The following SLC16A4 variants were observed in gnomAD, a reference collection of about 807,000 sequenced individuals.
SLC16A4 encodes the protein probable monocarboxylate transporter 5.
Under a neutral mutation model 47.9 loss-of-function variants are expected in SLC16A4, and 39 were observed. The observed-to-expected ratio is 0.81, with a 90% CI of 0.63 to 1.06. The LOEUF is 1.06. Ranked by LOEUF, SLC16A4 falls within the 50% of genes least tolerant of loss-of-function variation. The probability of loss-of-function intolerance (pLI) is 0.00; values close to 1 mark genes in which losing one functional copy is unlikely to be tolerated. For synonymous variants in SLC16A4, 189 were observed against 199.9 expected (o/e 0.95, Z 0.46); for missense variants, 524 against 573.8 (o/e 0.91, Z 0.89).
intron 4 of SLC16A4, 28 bp from the exon 5 acceptor site, chr1:110,381,171 T>C: frequency 6.2e-7 from 1 of 1,604,338 alleles, no homozygotes; most frequent in East Asian, 2.2e-5. Context: ...TAGTTTAGAA[T>C]CACTCTTACA....
At chr1:110,378,159 C>T (rs1018755786) in intron 6 of SLC16A4, among the ~76,000 whole-genome samples, 2 of 152,114 alleles carry the variant, frequency 1.3e-5, no homozygotes, top group Non-Finnish European at 2.9e-5. Context: ...TACATTTTAA[C>T]TTATTTTAAA....
Position 110,375,494 on chromosome 1 carries a change from C to G in SLC16A4, c.1300G>C (p.Ala434Pro), listed in dbSNP as rs762947979. The change falls in exon 8 of 9, where the codon GCT (alanine) becomes CCT (proline). Residue 434 changes from alanine to proline, a missense_variant. Transcript: ENST00000369779. The stretch of plus-strand genomic sequence containing the variant: ...GGTCCAGAAAGGACAGCCATCCCAG[C>G]AAAGAAACTGGCAAGTCCCAAAAAC... Reference protein sequence around the residue: ...NRFLGLASFFAGMAVLSGPPI... With the variant: ...NRFLGLASFFPGMAVLSGPPI... 1 of 1,613,314 alleles carries G rather than the reference C, an allele frequency of 6.2e-7. No individual in the cohort carries two copies. Among genetic ancestry groups the G allele is most frequent in the South Asian group, 1.1e-5 (1 of 91,066 alleles).
chr1:110,370,160 A>G (rs1020249824), intron 8 of SLC16A4: 1 of 152,200 alleles, frequency 6.6e-6, no homozygotes, highest in African/African-American at 2.4e-5. Flanking sequence ...TCTTAGGAAA[A>G]CTGAATCAAA....
intron 8 of SLC16A4, among the ~76,000 whole-genome samples, chr1:110,366,374 G>A (rs1661399808): frequency 6.6e-6 from 1 of 151,930 alleles, no homozygotes; most frequent in Non-Finnish European, 1.5e-5. Context: ...TGGCCAGGTT[G>A]GTCTCAAACT....
chr1:110,372,654 C>T (rs1661744908), intron 8 of SLC16A4: 1 of 152,194 alleles, frequency 6.6e-6, no homozygotes, highest in African/African-American at 2.4e-5. Context: ...TGGCTAATGG[C>T]ACAGCATTGC....
At chr1:110,389,427 A>G in intron 1 of SLC16A4, 72 bp from the exon 2 acceptor site, 1 of 937,366 alleles carries the variant, frequency 1.1e-6, no homozygotes, top group Non-Finnish European at 1.7e-6. Flanking sequence ...TTTATCTGAA[A>G]GGGAACGTTC....
intron 8 of SLC16A4, 90 bp downstream of exon 8, chr1:110,375,368 A>ACCT: frequency 2.6e-6 from 2 of 773,638 alleles, no homozygotes; most frequent in East Asian, 5.0e-5. Context: ...TTTTAACCTG[A>ACCT]TACCATCATT....
chr1:110,379,504 A>C, intron 5 of SLC16A4, 148 bp from the exon 6 acceptor site: 1 of 693,012 alleles, frequency 1.4e-6, no homozygotes, highest in Middle Eastern at 4.0e-4. Context: ...TTAGTCATAT[A>C]CACTGCTGTA....
chr1:110,381,214 C>T (rs1662363410), intron 4 of SLC16A4, 71 bp from the exon 5 acceptor site: 2 of 1,444,158 alleles, frequency 1.4e-6, no homozygotes, highest in African/African-American at 2.8e-5. Flanking sequence ...AGATAATCTC[C>T]TGGATCCGAG....
intron 7 of SLC16A4, among the ~76,000 whole-genome samples, 167 bp from the exon 8 acceptor site, chr1:110,375,718 A>C (rs577479127): frequency 3.2e-4 from 48 of 152,302 alleles, no homozygotes; most frequent in Admixed American, 2.4e-3. Context: ...GCTGAGGACT[A>C]ATAGCGAACA....
At chr1:110,367,748 T>C (rs1661468443) in intron 8 of SLC16A4, among the ~76,000 whole-genome samples, 1 of 152,100 alleles carries the variant, frequency 6.6e-6, no homozygotes, top group Non-Finnish European at 1.5e-5. Context: ...CTGATTTTAT[T>C]AGATCTCTGT....
At chr1:110,366,079 A>G (rs552519378) in intron 8 of SLC16A4, among the ~76,000 whole-genome samples, 200 of 151,356 alleles carry the variant, frequency 1.3e-3, no homozygotes, top group African/African-American at 4.7e-3. Flanking sequence ...GTGAGCCATC[A>G]TGCCGACCAA....
At chr1:110,380,450 TTTTA>T (rs1222704778) in intron 5 of SLC16A4, among the ~76,000 whole-genome samples, 1 of 152,230 alleles carries the variant, frequency 6.6e-6, no homozygotes, top group Non-Finnish European at 1.5e-5. Context: ...TTGAATCATT[TTTTA>T]TTCATTTGTG....
intron 6 of SLC16A4, among the ~76,000 whole-genome samples, chr1:110,377,886 G>C (rs966907541): frequency 7.9e-5 from 12 of 152,176 alleles, no homozygotes; most frequent in African/African-American, 2.9e-4. Flanking sequence ...CTGGAGTGCA[G>C]TGGTGCATTC....
intron 1 of SLC16A4, among the ~76,000 whole-genome samples, chr1:110,390,203 A>G (rs555312180): frequency 3.1e-4 from 47 of 152,060 alleles, no homozygotes; most frequent in Admixed American, 2.4e-3. Context: ...TGGGGTGGCC[A>G]CTCCTAGAAC....
chr1:110,378,259 A>G (rs1013762025), intron 6 of SLC16A4, among the ~76,000 whole-genome samples: 2 of 152,370 alleles, frequency 1.3e-5, no homozygotes, highest in African/African-American at 2.4e-5. Flanking sequence ...GCTACAAATA[A>G]TAAAACATTA....
At chr1:110,365,544 T>G (rs1661335446) in intron 8 of SLC16A4, among the ~76,000 whole-genome samples, 1 of 152,212 alleles carries the variant, frequency 6.6e-6, no homozygotes, top group East Asian at 1.9e-4. Context: ...AAATGTTTCT[T>G]GGAGTTACTG....
Position 110,390,626 on chromosome 1 carries a change from C to T in SLC16A4, c.-33+239G>A, listed in dbSNP as rs188872024. Among the ~76,000 whole-genome samples, 6 of 152,062 alleles carry T rather than the reference C, an allele frequency of 3.9e-5. No homozygotes were observed. The South Asian group carries it at 6.2e-4, about 16-fold the overall frequency. On this transcript the variant is annotated intron_variant, in intron 1 of 8. Transcript: ENST00000369779. ...TATGCTACCTTCTCCCAATCGGTTC[C>T]GTAAAATAAACAAGTGTATATAAAG...
chr1:110,385,358 T>C (rs1225830674), intron 2 of SLC16A4, among the ~76,000 whole-genome samples: 1 of 152,222 alleles, frequency 6.6e-6, no homozygotes, highest in African/African-American at 2.4e-5. Flanking sequence ...TGAAGATTAA[T>C]TGAGAAAATT....
Sources: gnomAD v4.1 joint callset for allele counts (sites outside exome capture counted in the v4.1 genomes callset) on GRCh38, gnomAD v4.1.1 for gene constraint, MANE v1.5 for transcripts, NCBI Gene and HGNC (gene_info 2026-07-23, HGNC 2026-07-21) for gene names.